Variants in SLC4A10 observed in about 807,000 individuals in gnomAD.
SLC4A10 encodes the protein solute carrier family 4 member 10.
SLC4A10 carries 42 observed loss-of-function variants against 137.7 expected under a neutral mutation model. That is an observed-to-expected ratio of 0.30 (90% confidence interval 0.24 to 0.39). The LOEUF is 0.39. SLC4A10 is among the 10% of genes least tolerant of loss of function. SLC4A10 has a pLI of 1.00. For missense variants in SLC4A10, 925 were observed against 1,355.0 expected (o/e 0.68, Z 4.98); for synonymous variants, 474 against 464.1 (o/e 1.02, Z -0.27).
At position 161,719,090 on chromosome 2, in the gene SLC4A10, TC is replaced by T. The variant is rs1184669519; in HGVS notation, c.49-51879del. Among the ~76,000 whole-genome samples the T allele has an allele frequency of 2.0e-5, 3 of 152,038 alleles. No individual in the cohort carries two copies. In the East Asian group the frequency reaches 5.8e-4, roughly 29 times the overall value. On this transcript the variant is annotated intron_variant, in intron 1 of 26. Transcript: ENST00000446997. The stretch of plus-strand genomic sequence containing the variant: ...CACAACAGTCCCCAGAGTGTGATGT[TC>T]CCCTTCTTGTGTCCATGTGTTCTCA...
intron 1 of SLC4A10, among the ~76,000 whole-genome samples, chr2:161,758,460 A>T (rs529906153): frequency 1.3e-4 from 20 of 151,912 alleles, no homozygotes; most frequent in Admixed American, 1.2e-3. Context: ...TTCAAATATT[A>T]TTTTATTATT....
intron 16 of SLC4A10, among the ~76,000 whole-genome samples, chr2:161,943,555 T>C (rs2105767519): frequency 6.6e-6 from 1 of 152,218 alleles, no homozygotes; most frequent in Admixed American, 6.6e-5. Flanking sequence ...TCTGAATCTA[T>C]TCTGTGCCTC....
intron 26 of SLC4A10, among the ~76,000 whole-genome samples, chr2:161,980,648 C>CA (rs1221037449): frequency 3.3e-5 from 5 of 151,562 alleles, no homozygotes; most frequent in South Asian, 2.1e-4. Flanking sequence ...CACTCTGTCT[C>CA]AAAAAAAACA....
intron 5 of SLC4A10, among the ~76,000 whole-genome samples, chr2:161,861,422 G>A (rs1192154622): frequency 6.6e-6 from 1 of 152,178 alleles, no homozygotes; most frequent in Non-Finnish European, 1.5e-5. Context: ...TGAGGTTAAA[G>A]CTTACCCTAG....
chr2:161,801,404 T>C (rs1443069409), intron 2 of SLC4A10, among the ~76,000 whole-genome samples: 1 of 152,074 alleles, frequency 6.6e-6, no homozygotes, highest in Non-Finnish European at 1.5e-5. Context: ...ATCTTTCTAT[T>C]TCAAAATTAC....
chr2:161,679,659 T>A (rs1219250632), intron 1 of SLC4A10, among the ~76,000 whole-genome samples: 1 of 149,762 alleles, frequency 6.7e-6, no homozygotes, highest in Non-Finnish European at 1.5e-5. Flanking sequence ...TGCTTTTATT[T>A]TTTTTTTAAC....
At chr2:161,966,610 A>C (rs1459549973) in intron 23 of SLC4A10, among the ~76,000 whole-genome samples, 1 of 152,002 alleles carries the variant, frequency 6.6e-6, no homozygotes, top group Admixed American at 6.6e-5. Flanking sequence ...TTAGCTGGGC[A>C]TGGTGGTGCA....
At chr2:161,666,287 A>T (rs1417019495) in intron 1 of SLC4A10, among the ~76,000 whole-genome samples, 1 of 151,678 alleles carries the variant, frequency 6.6e-6, no homozygotes, top group East Asian at 1.9e-4. Flanking sequence ...AAGCTTTGAA[A>T]TGATACTCTT....
intron 3 of SLC4A10, among the ~76,000 whole-genome samples, chr2:161,826,808 A>G (rs1230014682): frequency 1.3e-5 from 2 of 152,212 alleles, no homozygotes; most frequent in Non-Finnish European, 2.9e-5. Flanking sequence ...TCTGATTATA[A>G]CAGTAATAAA....
intron 1 of SLC4A10, among the ~76,000 whole-genome samples, chr2:161,739,889 A>G (rs990939081): frequency 6.6e-6 from 1 of 152,138 alleles, no homozygotes; most frequent in African/African-American, 2.4e-5. Flanking sequence ...TAATCCTGGA[A>G]GGGGCTCTTT....
chr2:161,769,177 A>C (rs2051260608), intron 1 of SLC4A10, among the ~76,000 whole-genome samples: 1 of 151,952 alleles, frequency 6.6e-6, no homozygotes, highest in South Asian at 2.1e-4. Flanking sequence ...TAACCCCTTG[A>C]GTGACGACAT....
At chr2:161,955,675 G>A (rs1194667507) in intron 19 of SLC4A10, among the ~76,000 whole-genome samples, 1 of 152,088 alleles carries the variant, frequency 6.6e-6, no homozygotes, top group Non-Finnish European at 1.5e-5. Flanking sequence ...AAGAAAACAA[G>A]AAAACAAAAT....
intron 10 of SLC4A10, among the ~76,000 whole-genome samples, chr2:161,892,195 C>T (rs554564360): frequency 1.9e-4 from 29 of 152,076 alleles, no homozygotes; most frequent in Admixed American, 1.4e-3. Flanking sequence ...ACCTAAAACA[C>T]GGTATAGAAT....
chr2:161,722,263 T>C (rs1181930516), intron 1 of SLC4A10, among the ~76,000 whole-genome samples: 2 of 152,352 alleles, frequency 1.3e-5, no homozygotes, highest in Non-Finnish European at 1.5e-5. Context: ...AGAGGCACTC[T>C]GGCTTTTTGA....
At chr2:161,632,751 A>C (rs1478041544) in intron 1 of SLC4A10, among the ~76,000 whole-genome samples, 1 of 151,536 alleles carries the variant, frequency 6.6e-6, no homozygotes, top group Non-Finnish European at 1.5e-5. Flanking sequence ...GCACTAAGGA[A>C]ACCAGCATTT....
At chr2:161,716,847 T>A (rs1406308679) in intron 1 of SLC4A10, among the ~76,000 whole-genome samples, 1 of 151,990 alleles carries the variant, frequency 6.6e-6, no homozygotes, top group African/African-American at 2.4e-5. Flanking sequence ...GTGAAGAATG[T>A]CATTGGTAGT....
At chr2:161,975,520 A>G (rs535013523) in intron 24 of SLC4A10, among the ~76,000 whole-genome samples, 6 of 152,198 alleles carry the variant, frequency 3.9e-5, no homozygotes, top group African/African-American at 1.4e-4. Context: ...TCTATTCCAC[A>G]TGATGCTTTT....
At chr2:161,917,880 A>T (rs913729807) in intron 15 of SLC4A10, among the ~76,000 whole-genome samples, 1 of 152,198 alleles carries the variant, frequency 6.6e-6, no homozygotes. Context: ...TTGTTAAACA[A>T]ATGAATGAAT....
At chr2:161,943,049 A>G (rs545549353) in intron 16 of SLC4A10, among the ~76,000 whole-genome samples, 152 bp downstream of exon 16, 2 of 152,286 alleles carry the variant, frequency 1.3e-5, no homozygotes, top group South Asian at 4.1e-4. Context: ...GATGCTCATC[A>G]GTAAACTGGG....
Sources: allele counts gnomAD v4.1 joint callset (sites outside exome capture counted in the v4.1 genomes callset), GRCh38; gene constraint gnomAD v4.1.1; transcripts MANE v1.5; gene names NCBI Gene and HGNC (gene_info 2026-07-23, HGNC 2026-07-21).